The following ADK variants were observed in gnomAD, a reference collection of about 807,000 sequenced individuals.
The protein encoded by ADK is adenosine kinase.
ADK carries 24 observed loss-of-function variants against 44.7 expected under a neutral mutation model. The observed-to-expected ratio is 0.54, with a 90% CI of 0.39 to 0.76. The LOEUF (loss-of-function observed/expected upper bound fraction) is 0.76, where lower values mean the gene tolerates loss of function less well. Ranked by LOEUF, ADK falls within the 30% of genes least tolerant of loss-of-function variation. The probability of loss-of-function intolerance (pLI) is 0.00; values close to 1 mark genes in which losing one functional copy is unlikely to be tolerated. For missense variants in ADK, 321 were observed against 425.1 expected (o/e 0.76, Z 2.15); for synonymous variants, 128 against 142.6 (o/e 0.90, Z 0.73).
At chr10:74,301,789 A>G (rs1014184710) in intron 3 of ADK, among the ~76,000 whole-genome samples, 11 of 152,224 alleles carry the variant, frequency 7.2e-5, no homozygotes, top group African/African-American at 2.4e-4. Context: ...AAAGAATAAT[A>G]GATGTCTAAT....
intron 6 of ADK, among the ~76,000 whole-genome samples, chr10:74,411,696 A>G (rs1238224774): frequency 6.6e-6 from 1 of 152,202 alleles, no homozygotes; most frequent in Admixed American, 6.5e-5. Flanking sequence ...CGATTTCTTA[A>G]AATAAGACAG....
In ADK at chr10:74,412,354, T is replaced by C. The variant is rs1001082304; in HGVS notation, c.555+13775T>C. On this transcript the variant is annotated intron_variant, in intron 6 of 10. Coordinates refer to ENST00000539909, the MANE Select transcript of ADK (RefSeq NM_006721.4). ...CGAGGTCTCACCATATTGGCCAGGC[T>C]GGTCTCGAACTGCTGGGCTTAAGTG... Among the ~76,000 whole-genome samples the C allele has an allele frequency of 2.0e-5, 3 of 152,138 alleles. No individual in the cohort carries two copies. In the East Asian group the frequency reaches 5.8e-4, roughly 29 times the overall value.
chr10:74,508,764 C>G (rs749162553), intron 6 of ADK, among the ~76,000 whole-genome samples: 2 of 151,998 alleles, frequency 1.3e-5, no homozygotes, highest in African/African-American at 2.4e-5. Flanking sequence ...ACCATGGGTA[C>G]TCTTAATGTG....
intron 9 of ADK, chr10:74,654,821 G>GA (rs11354070): frequency 0.01 from 1,401 of 136,696 alleles, 14 homozygotes; most frequent in Non-Finnish European, 0.016. Context: ...TGTCTCAATA[G>GA]AAAAAAAAAA....
At chr10:74,275,595 T>G (rs1201627209) in intron 3 of ADK, among the ~76,000 whole-genome samples, 1 of 152,218 alleles carries the variant, frequency 6.6e-6, no homozygotes, top group African/African-American at 2.4e-5. Context: ...ATCACAATTC[T>G]GATTTACAGC....
chr10:74,157,192 C>T (rs371603150), intron 1 of ADK, among the ~76,000 whole-genome samples: 7 of 152,166 alleles, frequency 4.6e-5, no homozygotes, highest in South Asian at 2.1e-4. Context: ...GCTTGGAGGT[C>T]GTGGACTCTG....
intron 6 of ADK, among the ~76,000 whole-genome samples, chr10:74,433,854 A>T (rs1845088709): frequency 6.6e-6 from 1 of 152,170 alleles, no homozygotes; most frequent in African/African-American, 2.4e-5. Context: ...TATGATCAAA[A>T]CTATGCTGGA....
At chr10:74,565,600 G>A (rs2133831697) in intron 7 of ADK, among the ~76,000 whole-genome samples, 1 of 152,074 alleles carries the variant, frequency 6.6e-6, no homozygotes, top group African/African-American at 2.4e-5. Flanking sequence ...GGTGGCGCAT[G>A]CCTGTAATCC....
intron 10 of ADK, among the ~76,000 whole-genome samples, chr10:74,695,851 G>A (rs1428232306): frequency 1.3e-5 from 2 of 151,880 alleles, no homozygotes; most frequent in Non-Finnish European, 2.9e-5. Flanking sequence ...TCTTACCCAG[G>A]CTGGTCTTGA....
At chr10:74,156,190 G>T (rs1841745568) in intron 1 of ADK, among the ~76,000 whole-genome samples, 1 of 152,166 alleles carries the variant, frequency 6.6e-6, no homozygotes, top group South Asian at 2.1e-4. Context: ...AAGGGCCTTA[G>T]GAAAACAAGG....
At chr10:74,387,067 G>C (rs1263335608) in intron 4 of ADK, among the ~76,000 whole-genome samples, 1 of 152,068 alleles carries the variant, frequency 6.6e-6, no homozygotes, top group Admixed American at 6.5e-5. Context: ...CTCCTGAGTA[G>C]CTGGGATTAC....
chr10:74,511,037 A>G (rs756714692), intron 6 of ADK, among the ~76,000 whole-genome samples: 46 of 152,186 alleles, frequency 3.0e-4, no homozygotes, highest in Non-Finnish European at 4.7e-4. Context: ...TGATTTTTGC[A>G]TGCAGTGAGA....
chr10:74,370,778 A>G lies in ADK; in HGVS notation c.274-23363A>G, dbSNP rs1057411462. On this transcript the variant is annotated intron_variant, in intron 4 of 10. Transcript: ENST00000539909. ...ACAATTTAGAGATGGGGATCATACT[A>G]TGTTGCCCAGGTCTTGAACTCCTGG... Among the ~76,000 whole-genome samples, 15 of 152,132 alleles carry G rather than the reference A, an allele frequency of 9.9e-5. No homozygotes were observed. The East Asian group carries it at 1.5e-3, about 16-fold the overall frequency.
chr10:74,231,506 T>C (rs1053266579), intron 3 of ADK, among the ~76,000 whole-genome samples: 1 of 151,656 alleles, frequency 6.6e-6, no homozygotes, highest in African/African-American at 2.4e-5. Context: ...CTAACTCTGT[T>C]GCCCAGGTTG....
chr10:74,640,769 G>A (rs1853816475), intron 9 of ADK, among the ~76,000 whole-genome samples: 1 of 152,172 alleles, frequency 6.6e-6, no homozygotes, highest in African/African-American at 2.4e-5. Context: ...TATAAAAATA[G>A]GCAGCTAGCC....
At chr10:74,594,645 A>G (rs2133939523) in intron 8 of ADK, among the ~76,000 whole-genome samples, 1 of 150,604 alleles carries the variant, frequency 6.6e-6, no homozygotes, top group African/African-American at 2.5e-5. Flanking sequence ...AAAGAGATGT[A>G]TCTTCAATTC....
At chr10:74,263,270 T>A (rs1310735859) in intron 3 of ADK, among the ~76,000 whole-genome samples, 1 of 152,202 alleles carries the variant, frequency 6.6e-6, no homozygotes, top group Non-Finnish European at 1.5e-5. Context: ...CAGGCTATGC[T>A]TCATCATGAA....
intron 2 of ADK, among the ~76,000 whole-genome samples, chr10:74,212,939 T>C (rs1322033776): frequency 6.6e-6 from 1 of 152,182 alleles, no homozygotes; most frequent in Non-Finnish European, 1.5e-5. Flanking sequence ...TTTTGGTGAC[T>C]GATGGTGGTA....
chr10:74,387,964 A>C (rs146913015), intron 4 of ADK, among the ~76,000 whole-genome samples: 2 of 151,838 alleles, frequency 1.3e-5, no homozygotes, highest in Non-Finnish European at 2.9e-5. Context: ...CTGGAATGCA[A>C]TGGCGCAATC....
Sources: gnomAD v4.1 joint callset for allele counts (sites outside exome capture counted in the v4.1 genomes callset) on GRCh38, gnomAD v4.1.1 for gene constraint, MANE v1.5 for transcripts, NCBI Gene and HGNC (gene_info 2026-07-23, HGNC 2026-07-21) for gene names.